TENM3: variants seen among roughly 807,000 people sequenced by gnomAD.
TENM3 encodes teneurin transmembrane protein 3.
A neutral mutation model predicts 255.1 loss-of-function variants in TENM3; 63 were observed. The observed-to-expected ratio is 0.25, with a 90% CI of 0.20 to 0.30. The LOEUF is 0.30. TENM3 is among the 10% of genes least tolerant of loss of function. The pLI is 1.00. For synonymous variants in TENM3, 1,306 were observed against 1,322.3 expected (o/e 0.99, Z 0.27); for missense variants, 2,929 against 3,461.1 (o/e 0.85, Z 3.86).
At chr4:181,451,842 G>C in the TENM3 span, among the ~76,000 whole-genome samples, 1 of 152,166 alleles carries the variant, frequency 6.6e-6, no homozygotes, top group South Asian at 2.1e-4. Flanking sequence ...TTAATTTATA[G>C]ACATTGACTT....
the TENM3 span, among the ~76,000 whole-genome samples, chr4:181,724,342 A>G: frequency 2.0e-5 from 3 of 150,442 alleles, no homozygotes; most frequent in African/African-American, 7.3e-5. Context: ...TCTCTTGTCC[A>G]TTTTCTCTTT....
intron 3 of TENM3, among the ~76,000 whole-genome samples, chr4:182,477,016 G>A (rs927277243): frequency 2.1e-4 from 32 of 152,188 alleles, no homozygotes; most frequent in African/African-American, 6.8e-4. Flanking sequence ...GAATGAAGAT[G>A]AGGCAGAACT....
chr4:182,748,403 C>T lies in TENM3; in HGVS notation c.3630-3397C>T, dbSNP rs146828060. ...AGCCGGTTCCGTCGTGGTAGCCTCA[C>T]GTTTTCACAGTAGATAGATTACTGA... On this transcript the variant is annotated intron_variant, in intron 19 of 27. Transcript: ENST00000511685. Among the ~76,000 whole-genome samples, 681 of 152,254 alleles carry T rather than the reference C, an allele frequency of 4.5e-3. 21 individuals carry two copies. The highest frequency in any genetic ancestry group is 1.8e-3 in the Non-Finnish European group (125 of 68,030).
intron 3 of TENM3, among the ~76,000 whole-genome samples, chr4:182,564,155 A>G (rs1225267381): frequency 1.3e-5 from 2 of 152,102 alleles, no homozygotes; most frequent in Admixed American, 6.5e-5. Flanking sequence ...TTTTTGAACC[A>G]TTGGATAGGG....
intron 3 of TENM3, among the ~76,000 whole-genome samples, chr4:182,434,231 C>T (rs78428986): frequency 0.018 from 2,711 of 151,676 alleles, 69 homozygotes; most frequent in East Asian, 0.1. Flanking sequence ...TGGTGAGGAC[C>T]GGGAAAGGAG....
At chr4:182,068,094 G>C in the TENM3 span, among the ~76,000 whole-genome samples, 6 of 152,140 alleles carry the variant, frequency 3.9e-5, no homozygotes, top group Non-Finnish European at 7.3e-5. Flanking sequence ...GAGACTCAGA[G>C]AGTTCCGATA....
chr4:181,890,687 A>C, the TENM3 span, among the ~76,000 whole-genome samples: 1 of 152,156 alleles, frequency 6.6e-6, no homozygotes, highest in African/African-American at 2.4e-5. Context: ...TCTATTATAC[A>C]GCAAGCAGAA....
At chr4:181,703,491 T>G in the TENM3 span, among the ~76,000 whole-genome samples, 132 of 152,358 alleles carry the variant, frequency 8.7e-4, 2 homozygotes, top group Non-Finnish European at 7.3e-5. Flanking sequence ...GATGGATTTT[T>G]GTCTTTAACG....
chr4:182,388,623 C>T (rs1768180040), intron 3 of TENM3, among the ~76,000 whole-genome samples: 1 of 152,184 alleles, frequency 6.6e-6, no homozygotes, highest in Admixed American at 6.5e-5. Context: ...TACATCCATC[C>T]TACTACCTTA....
intron 1 of TENM3, among the ~76,000 whole-genome samples, chr4:182,212,201 A>T (rs1416895478): frequency 6.6e-6 from 1 of 152,170 alleles, no homozygotes. Flanking sequence ...TGAAACCAAG[A>T]CTGATACTGA....
At chr4:181,532,210 CA>C in the TENM3 span, among the ~76,000 whole-genome samples, 1 of 152,144 alleles carries the variant, frequency 6.6e-6, no homozygotes, top group Middle Eastern at 3.4e-3. Flanking sequence ...TGAAATGCAT[CA>C]AAAACATTAC....
chr4:182,393,925 T>C (rs1183266753), intron 3 of TENM3, among the ~76,000 whole-genome samples: 1 of 152,192 alleles, frequency 6.6e-6, no homozygotes, highest in African/African-American at 2.4e-5. Flanking sequence ...TATTATGACA[T>C]ACCAGTCATT....
At chr4:182,071,427 T>C in the TENM3 span, among the ~76,000 whole-genome samples, 1 of 151,784 alleles carries the variant, frequency 6.6e-6, no homozygotes, top group African/African-American at 2.4e-5. Flanking sequence ...TAAATCATGA[T>C]ATTTCTTTTC....
chr4:181,877,939 T>A, the TENM3 span, among the ~76,000 whole-genome samples: 3 of 152,300 alleles, frequency 2.0e-5, no homozygotes, highest in East Asian at 5.8e-4. Context: ...CAGAGGAGCC[T>A]AGTGTAGGCG....
intron 3 of TENM3, among the ~76,000 whole-genome samples, chr4:182,460,333 C>A (rs1167316207): frequency 6.6e-6 from 1 of 152,082 alleles, no homozygotes; most frequent in Admixed American, 6.5e-5. Flanking sequence ...TTTTATATGA[C>A]TTAGCCATAA....
intron 16 of TENM3, among the ~76,000 whole-genome samples, chr4:182,731,485 G>A (rs1169742192): frequency 6.6e-6 from 1 of 152,034 alleles, no homozygotes; most frequent in Non-Finnish European, 1.5e-5. Context: ...ACTCCAGCCT[G>A]GGTGACACAG....
At chr4:182,225,227 A>G (rs955651613) in intron 1 of TENM3, among the ~76,000 whole-genome samples, 4 of 152,140 alleles carry the variant, frequency 2.6e-5, no homozygotes, top group African/African-American at 9.7e-5. Context: ...TACGGCAGCA[A>G]TTATTGTTGT....
chr4:182,793,536 T>G lies in TENM3; in HGVS notation c.6864T>G (p.Ser2288Arg). 9.9e-6 allele frequency: 16 copies of G among 1,613,958 alleles called. No homozygotes were observed. The highest frequency in any genetic ancestry group is 1.3e-5 in the Non-Finnish European group (15 of 1,179,846). Residue 2288 changes from serine (S) to arginine (R), a missense_variant, in exon 26 of 28, where the codon AGT becomes AGG. By Grantham distance (110) the Ser-to-Arg change is moderately radical. Coordinates refer to ENST00000511685, the MANE Select transcript of TENM3 (RefSeq NM_001080477.4). The surrounding 1 kb of genome is among the most constrained non-coding windows in gnomAD (Gnocchi z 5.7). ...ATCTTTTTGCCATGGAAATCAGCAG[T>G]GGGGATGAATTCTATATTGCATCGG... ...QGHLFAMEIS[S>R]GDEFYIASDN...
chr4:182,045,045 A>G, the TENM3 span, among the ~76,000 whole-genome samples: 2 of 152,336 alleles, frequency 1.3e-5, no homozygotes, highest in East Asian at 1.9e-4. Context: ...CTGACTGCAG[A>G]TTTGACTTTT....
Sources: gnomAD v4.1 joint callset for allele counts (sites outside exome capture counted in the v4.1 genomes callset) on GRCh38, gnomAD v4.1.1 for gene constraint, Gnocchi (gnomAD v3.1) non-coding constraint, MANE v1.5 for transcripts, NCBI Gene and HGNC (gene_info 2026-07-23, HGNC 2026-07-21) for gene names.